DTD1: variants seen among roughly 807,000 people sequenced by gnomAD.
The protein encoded by DTD1 is D-tyrosyl-tRNA deacylase 1 homolog.
DTD1 carries 13 observed loss-of-function variants against 25.6 expected under a neutral mutation model. The ratio of observed to expected loss-of-function variants is 0.51; its 90% confidence interval spans 0.33 to 0.81. DTD1 has a LOEUF of 0.81. Ranked by LOEUF, DTD1 falls within the 30% of genes least tolerant of loss-of-function variation. The pLI is 0.02. For missense variants in DTD1, 193 were observed against 266.4 expected, an observed-to-expected ratio of 0.72 and a Z score of 1.92; for synonymous variants, 110 against 103.6, an observed-to-expected ratio of 1.06 and a Z score of -0.37.
At chr20:18,747,287 TTTC>T (rs2061303895) in intron 5 of DTD1, among the ~76,000 whole-genome samples, 1 of 152,204 alleles carries the variant, frequency 6.6e-6, no homozygotes, top group African/African-American at 2.4e-5. Flanking sequence ...TTCTATGGTT[TTTC>T]TTCTATTGGA....
chr20:18,707,690 G>T (rs2061131985), intron 4 of DTD1, among the ~76,000 whole-genome samples: 1 of 152,116 alleles, frequency 6.6e-6, no homozygotes, highest in South Asian at 2.1e-4. Flanking sequence ...CTTAGGGCTG[G>T]TTCTTTTCTC....
At chr20:18,744,655 A>AAAAACAC (rs10632823) in intron 5 of DTD1, among the ~76,000 whole-genome samples, 1 of 119,914 alleles carries the variant, frequency 8.3e-6, no homozygotes, top group Non-Finnish European at 1.7e-5. Context: ...AAAACAAAAA[A>AAAAACAC]CAAGTGAAAG....
chr20:18,655,823 T>C (rs1215392028), intron 4 of DTD1, among the ~76,000 whole-genome samples: 5 of 152,154 alleles, frequency 3.3e-5, no homozygotes, highest in African/African-American at 1.2e-4. Flanking sequence ...CAGGCTGGAG[T>C]GCAATGGCGT....
At chr20:18,715,899 T>G (rs1239292462) in intron 4 of DTD1, among the ~76,000 whole-genome samples, 3 of 152,140 alleles carry the variant, frequency 2.0e-5, no homozygotes, top group Non-Finnish European at 4.4e-5. Context: ...ATATTCTGGT[T>G]GTATCTGGAG....
intron 5 of DTD1, among the ~76,000 whole-genome samples, chr20:18,752,805 T>C (rs1297516395): frequency 6.6e-6 from 1 of 152,208 alleles, no homozygotes; most frequent in African/African-American, 2.4e-5. Context: ...TTCTTCTTCT[T>C]ACCTGGAGGT....
chr20:18,668,088 T>A (rs967261322), intron 4 of DTD1, among the ~76,000 whole-genome samples: 3 of 152,208 alleles, frequency 2.0e-5, no homozygotes, highest in Non-Finnish European at 4.4e-5. Context: ...TTCCTGAAGG[T>A]GTTACAAATG....
At chr20:18,606,407 A>G (rs1157114990) in intron 3 of DTD1, among the ~76,000 whole-genome samples, 1 of 137,372 alleles carries the variant, frequency 7.3e-6, no homozygotes, top group Non-Finnish European at 1.6e-5. Context: ...ATACCATTTG[A>G]CCCGGCCATC....
chr20:18,658,734 A>T (rs1027949804), intron 4 of DTD1, among the ~76,000 whole-genome samples: 1 of 152,200 alleles, frequency 6.6e-6, no homozygotes, highest in Non-Finnish European at 1.5e-5. Context: ...ATAAATGTTT[A>T]TCTGTTTCAC....
chr20:18,652,331 A>G (rs1351909060), intron 4 of DTD1, among the ~76,000 whole-genome samples: 2 of 152,248 alleles, frequency 1.3e-5, no homozygotes, highest in Non-Finnish European at 2.9e-5. Context: ...GAAAAATGCC[A>G]TTTTGGTTTT....
At chr20:18,653,080 C>A (rs575571814) in intron 4 of DTD1, among the ~76,000 whole-genome samples, 1 of 152,180 alleles carries the variant, frequency 6.6e-6, no homozygotes, top group African/African-American at 2.4e-5. Context: ...GGGTTGTGGC[C>A]ACATGGCATT....
At position 18,667,624 on chromosome 20, in the gene DTD1, C is replaced by T. The variant is rs541756162; in HGVS notation, c.477+39391C>T. Among the ~76,000 whole-genome samples, 90 of 152,260 alleles carry T rather than the reference C, an allele frequency of 5.9e-4. 3 individuals are homozygous for T. In the South Asian group the frequency reaches 0.013, roughly 21 times the overall value. On this transcript the variant is annotated intron_variant, in intron 4 of 5. Coordinates refer to ENST00000377452, the MANE Select transcript of DTD1 (RefSeq NM_080820.6). ...ATTTGTTGATCCAATGAAGGCATTT[C>T]TTCCTTGCCCTGCCACACGTTCAGG... is the stretch of plus-strand genomic sequence containing the variant.
chr20:18,725,533 A>C (rs1052359943), intron 4 of DTD1, among the ~76,000 whole-genome samples: 3 of 152,228 alleles, frequency 2.0e-5, no homozygotes, highest in Non-Finnish European at 4.4e-5. Flanking sequence ...TGTCAGGTTG[A>C]GTTCTCTTGG....
intron 4 of DTD1, among the ~76,000 whole-genome samples, chr20:18,656,777 A>T (rs527753371): frequency 2.6e-5 from 4 of 152,314 alleles, no homozygotes; most frequent in Admixed American, 2.6e-4. Context: ...TACCTTCCTT[A>T]GTCGTGGCCG....
chr20:18,740,921 A>G (rs1300992771), intron 4 of DTD1, among the ~76,000 whole-genome samples: 1 of 152,254 alleles, frequency 6.6e-6, no homozygotes, highest in Non-Finnish European at 1.5e-5. Context: ...CCTGTGGCAG[A>G]ATAGTCAAGA....
chr20:18,588,180 TG>T (rs1237277439), intron 1 of DTD1, 65 bp downstream of exon 1: 31 of 1,201,396 alleles, frequency 2.6e-5, no homozygotes, highest in Non-Finnish European at 2.9e-5. Flanking sequence ...CTGTCTTGCG[TG>T]GGGGGTCTTC....
chr20:18,698,395 A>G (rs1349522860), intron 4 of DTD1: 1 of 152,192 alleles, frequency 6.6e-6, no homozygotes, highest in African/African-American at 2.4e-5. Context: ...TTTCATCTAT[A>G]CATATTCAGT....
intron 3 of DTD1, among the ~76,000 whole-genome samples, chr20:18,598,674 G>GT (rs1261766114): frequency 8.8e-6 from 1 of 113,864 alleles, no homozygotes; most frequent in African/African-American, 3.1e-5. Context: ...ATTTTTTTTT[G>GT]TATTTTTTTT....
intron 4 of DTD1, chr20:18,631,843 T>C (rs2060788799): frequency 1.0e-6 from 1 of 985,110 alleles, no homozygotes; most frequent in Admixed American, 6.2e-5. Context: ...TAAATATTTT[T>C]CTGGAAATGG....
chr20:18,652,535 C>T (rs2060878177), intron 4 of DTD1, among the ~76,000 whole-genome samples: 1 of 152,162 alleles, frequency 6.6e-6, no homozygotes, highest in Non-Finnish European at 1.5e-5. Context: ...ACCAAAGGAC[C>T]CTTTCAGGGA....
Sources: gnomAD v4.1 joint callset for allele counts (sites outside exome capture counted in the v4.1 genomes callset) on GRCh38, gnomAD v4.1.1 for gene constraint, MANE v1.5 for transcripts, NCBI Gene and HGNC (gene_info 2026-07-23, HGNC 2026-07-21) for gene names.